SPRYD7: variants seen among roughly 807,000 people sequenced by gnomAD.
SPRYD7 encodes the protein SPRY domain-containing protein 7.
Under a neutral mutation model 23.8 loss-of-function variants are expected in SPRYD7, and 14 were observed. The observed-to-expected ratio is 0.59, with a 90% confidence interval of 0.39 to 0.92. The LOEUF is 0.92. SPRYD7 is among the 40% of genes least tolerant of loss of function. The probability of loss-of-function intolerance (pLI) is 0.00; values close to 1 mark genes in which losing one functional copy is unlikely to be tolerated. For synonymous variants in SPRYD7, 75 were observed against 84.9 expected (o/e 0.88, Z 0.64); for missense variants, 194 against 241.7 (o/e 0.80, Z 1.31).
rs1465067275 is a variant in SPRYD7 at position 49,913,355 on chromosome 13, G to A, written c.*1708C>T. The A allele has an allele frequency of 6.6e-6, 1 of 151,172 alleles. No homozygotes were observed. The highest frequency in any genetic ancestry group is 6.6e-5 in the Admixed American group (1 of 15,190). 9.4% of individuals were successfully genotyped at this position (151,172 alleles called of 1,614,324 possible). ...GAATCGCTTAAACCTGGGAAGCAGA[G>A]GTTGCAGTGAGCCAAGATCGTGCCA... On this transcript the variant is annotated 3_prime_UTR_variant, in exon 5 of 5. Coordinates refer to ENST00000361840, the MANE Select transcript of SPRYD7 (RefSeq NM_020456.4).
intron 4 of SPRYD7, among the ~76,000 whole-genome samples, chr13:49,919,043 T>C (rs1011719608): frequency 6.6e-6 from 1 of 152,088 alleles, no homozygotes; most frequent in Admixed American, 6.6e-5. Flanking sequence ...AACCCAAATT[T>C]AAGAACTTAA....
Position 49,914,891 on chromosome 13 carries a change from AAG to A in SPRYD7, c.*170_*171del, listed in dbSNP as rs1203718189. 5.6e-6 allele frequency: 2 copies of A among 359,800 alleles called. No individual in the cohort carries two copies. Among genetic ancestry groups the A allele is most frequent in the Non-Finnish European group, 1.0e-5 (2 of 192,942 alleles). The allele number at this position is 359,800 out of a possible 1,614,324, so 22.3% of individuals were successfully genotyped here. A position where few individuals can be genotyped will look rare whatever the true frequency, so the allele number is the denominator to read the frequency against. On this transcript the variant is annotated 3_prime_UTR_variant, in exon 5 of 5. Coordinates refer to ENST00000361840, the MANE Select transcript of SPRYD7 (RefSeq NM_020456.4). ...GCTTATTTTCATTTCACAAAACATAAAGTATTTTAAATCACAACTTCAGGGTG... is the reference window on the plus strand; with the variant it reads ...GCTTATTTTCATTTCACAAAACATAATATTTTAAATCACAACTTCAGGGTG...
Position 49,914,010 on chromosome 13 carries a change from T to C in SPRYD7, c.*1053A>G, listed in dbSNP as rs1955724198. ...CTAACACTCATGTTTTCCTGAACAA[T>C]GTACTGTTTCTAGTTGATAAAGGAG... On this transcript the variant is annotated 3_prime_UTR_variant, in exon 5 of 5. Coordinates refer to ENST00000361840, the MANE Select transcript of SPRYD7 (RefSeq NM_020456.4). The C allele has an allele frequency of 6.5e-6, 1 of 153,376 alleles. No homozygotes were observed. Among genetic ancestry groups the C allele is most frequent in the African/African-American group, 2.4e-5 (1 of 41,464 alleles). 9.5% of individuals were successfully genotyped at this position (153,376 alleles called of 1,614,324 possible).
intron 4 of SPRYD7, among the ~76,000 whole-genome samples, chr13:49,915,394 A>G (rs966901602): frequency 2.6e-5 from 4 of 152,164 alleles, no homozygotes; most frequent in African/African-American, 9.6e-5. Context: ...TAAAAATATT[A>G]TTAGTAATTC....
chr13:49,934,992 G>A (rs1199752576), intron 1 of SPRYD7, among the ~76,000 whole-genome samples: 2 of 152,186 alleles, frequency 1.3e-5, no homozygotes, highest in East Asian at 3.8e-4. Context: ...TATAAATAAT[G>A]ATGGATAAAA....
chr13:49,934,341 C>T (rs1156334415), intron 1 of SPRYD7, among the ~76,000 whole-genome samples: 2 of 151,886 alleles, frequency 1.3e-5, no homozygotes, highest in East Asian at 3.9e-4. Flanking sequence ...AGGCAGATCA[C>T]GAGGTCAGTT....
intron 3 of SPRYD7, among the ~76,000 whole-genome samples, chr13:49,922,219 C>T (rs1478789623): frequency 4.6e-5 from 7 of 150,878 alleles, no homozygotes. Context: ...AATAAAATTA[C>T]TCGGTACACT....
chr13:49,924,158 A>G (rs567794497), intron 3 of SPRYD7, among the ~76,000 whole-genome samples: 27 of 150,692 alleles, frequency 1.8e-4, no homozygotes, highest in African/African-American at 6.1e-4. Flanking sequence ...AATTTTTTGT[A>G]TTTTTTTTAG....
chr13:49,921,151 T>TG (rs540270280), intron 4 of SPRYD7, among the ~76,000 whole-genome samples: 1 of 152,104 alleles, frequency 6.6e-6, no homozygotes, highest in Non-Finnish European at 1.5e-5. Flanking sequence ...AATTGAATCA[T>TG]GGGGGTGGTT....
intron 4 of SPRYD7, 121 bp downstream of exon 4, chr13:49,921,355 CCT>C: frequency 1.6e-6 from 1 of 641,614 alleles, no homozygotes; most frequent in East Asian, 2.8e-5. Context: ...GTCAATTAAA[CCT>C]CTTTCCTTTA....
chr13:49,918,778 G>T (rs954911558), intron 4 of SPRYD7, among the ~76,000 whole-genome samples: 1 of 151,816 alleles, frequency 6.6e-6, no homozygotes, highest in African/African-American at 2.4e-5. Context: ...GCAATGGCAT[G>T]ATCTCGGCTC....
chr13:49,936,070 C>T (rs113482191), intron 1 of SPRYD7, 60 bp downstream of exon 1: 21,047 of 1,326,656 alleles, frequency 0.016, 330 homozygotes, highest in African/African-American at 0.058. Flanking sequence ...CTGAAGGTCC[C>T]CCTGCCCGCC....
chr13:49,915,152 T>A lies in SPRYD7; in HGVS notation c.502A>T (p.Ser168Cys). 1.9e-6 allele frequency: 3 copies of A among 1,541,958 alleles called. No homozygotes were observed. The highest frequency in any genetic ancestry group is 2.6e-6 in the Non-Finnish European group (3 of 1,132,454). Residue 168 changes from serine (S) to cysteine (C), a missense_variant, in exon 5 of 5, where the codon AGT (serine) becomes TGT (cysteine). Physicochemically the swap from Ser to Cys is moderately radical, Grantham distance 112. Transcript: ENST00000361840. ...TVYPVVYVDDSAILDCQFSEF... is the reference protein window; with the variant it reads ...TVYPVVYVDDCAILDCQFSEF... Reference sequence around the variant, plus strand: ...CTGAACTGGCAATCCAAAATTGCACTGTCATCAACTAAAGGATACAAAAAG... The same window carrying A: ...CTGAACTGGCAATCCAAAATTGCACAGTCATCAACTAAAGGATACAAAAAG...
chr13:49,918,704 AATTTT>A (rs1326187487), intron 4 of SPRYD7, among the ~76,000 whole-genome samples: 3 of 147,800 alleles, frequency 2.0e-5, no homozygotes, highest in South Asian at 2.1e-4. Context: ...TTTCTTTTTT[AATTTT>A]ATTTTATTTT....
At chr13:49,927,344 A>T (rs1273753575) in intron 3 of SPRYD7, among the ~76,000 whole-genome samples, 1 of 152,142 alleles carries the variant, frequency 6.6e-6, no homozygotes, top group East Asian at 1.9e-4. Flanking sequence ...AAAATAAAAA[A>T]AATCAGCCAG....
At position 49,921,579 on chromosome 13, in the gene SPRYD7, C is replaced by A; in HGVS notation, c.392G>T (p.Gly131Val). ...TAATTCGACATGGTCATAAGTAATACCCTAGGAAGGAAAAAACAGAAACGT... is the reference window on the plus strand; with the variant it reads ...TAATTCGACATGGTCATAAGTAATAACCTAGGAAGGAAAAAACAGAAACGT... Reference protein sequence around the residue: ...NSLPQEGDVVGITYDHVELNV... With the variant: ...NSLPQEGDVVVITYDHVELNV... Residue 131 changes from glycine (G) to valine (V), a missense_variant and splice_region_variant, in exon 4 of 5, where the codon GGT becomes GTT. Physicochemically the swap from Gly to Val is moderately radical, Grantham distance 109. Transcript: ENST00000361840. 3 of 1,585,754 alleles carry A rather than the reference C, an allele frequency of 1.9e-6. No individual in the cohort carries two copies. Among genetic ancestry groups the A allele is most frequent in the Non-Finnish European group, 2.6e-6 (3 of 1,155,038 alleles).
At chr13:49,917,907 T>C (rs1175118478) in intron 4 of SPRYD7, among the ~76,000 whole-genome samples, 1 of 152,190 alleles carries the variant, frequency 6.6e-6, no homozygotes, top group Non-Finnish European at 1.5e-5. Flanking sequence ...GACTGAAAAG[T>C]AATTTTAGGA....
chr13:49,935,268 T>C (rs1270047826), intron 1 of SPRYD7, among the ~76,000 whole-genome samples: 1 of 152,168 alleles, frequency 6.6e-6, no homozygotes, highest in Non-Finnish European at 1.5e-5. Context: ...AGTGCAGAAG[T>C]ACAGTTAGAA....
chr13:49,916,928 C>T (rs1955758457), intron 4 of SPRYD7, among the ~76,000 whole-genome samples: 2 of 152,136 alleles, frequency 1.3e-5, no homozygotes, highest in Non-Finnish European at 2.9e-5. Context: ...GAGAGGGAAG[C>T]TGGAGTTCAC....
Sources: gnomAD v4.1 joint callset for allele counts (sites outside exome capture counted in the v4.1 genomes callset) on GRCh38, gnomAD v4.1.1 for gene constraint, MANE v1.5 for transcripts, NCBI Gene and HGNC (gene_info 2026-07-23, HGNC 2026-07-21) for gene names.